B3GALT1: variants seen among roughly 807,000 people sequenced by gnomAD.
The protein encoded by B3GALT1 is beta-1,3-galactosyltransferase 1, also known as UDP-Gal:betaGlcNAc beta 1,3-galactosyltransferase, polypeptide 1.
In B3GALT1, 10 loss-of-function variants were observed where a neutral mutation model predicts 23.2. The ratio of observed to expected loss-of-function variants is 0.43; its 90% CI spans 0.27 to 0.73. The LOEUF (loss-of-function observed/expected upper bound fraction) is 0.73. Among genes scored for constraint, B3GALT1 ranks in the 30% least tolerant of loss-of-function variants. B3GALT1 has a pLI of 0.21. For synonymous variants in B3GALT1, 156 were observed against 141.5 expected (o/e 1.10, Z -0.73); for missense variants, 299 against 405.4 (o/e 0.74, Z 2.25).
chr2:167,843,541 A>G (rs752697273), intron 4 of B3GALT1, among the ~76,000 whole-genome samples: 19 of 152,318 alleles, frequency 1.2e-4, no homozygotes, highest in Non-Finnish European at 2.2e-4. Context: ...TGCTGGAGAC[A>G]CTACCTAGGA....
At chr2:167,656,329 C>T (rs1685955486) in intron 3 of B3GALT1, among the ~76,000 whole-genome samples, 1 of 152,100 alleles carries the variant, frequency 6.6e-6, no homozygotes, top group Non-Finnish European at 1.5e-5. Flanking sequence ...ACAATAGATC[C>T]ATGGAAACTT....
At chr2:167,447,109 G>A (rs778404846) in intron 1 of B3GALT1, among the ~76,000 whole-genome samples, 33 of 152,208 alleles carry the variant, frequency 2.2e-4, no homozygotes, top group Non-Finnish European at 4.3e-4. Flanking sequence ...AGGTCTGTTG[G>A]AGTTTGCTGG....
chr2:167,494,355 G>A (rs754060902), intron 2 of B3GALT1, among the ~76,000 whole-genome samples: 2 of 151,370 alleles, frequency 1.3e-5, no homozygotes, highest in African/African-American at 2.4e-5. Flanking sequence ...AAAGATATCA[G>A]TTATGATATT....
At chr2:167,570,381 A>G (rs970105027) in intron 2 of B3GALT1, among the ~76,000 whole-genome samples, 3 of 151,774 alleles carry the variant, frequency 2.0e-5, no homozygotes, top group Admixed American at 6.6e-5. Flanking sequence ...GTTTCGGCAG[A>G]TTGTGTTTTC....
At chr2:167,464,234 A>G (rs573646979) in intron 1 of B3GALT1, among the ~76,000 whole-genome samples, 4 of 152,248 alleles carry the variant, frequency 2.6e-5, no homozygotes, top group African/African-American at 7.2e-5. Context: ...GGTATGATCA[A>G]TGTCCTCATG....
At chr2:167,428,291 C>A (rs1698653547) in intron 1 of B3GALT1, among the ~76,000 whole-genome samples, 1 of 152,190 alleles carries the variant, frequency 6.6e-6, no homozygotes, top group African/African-American at 2.4e-5. Flanking sequence ...AGCTGTGAAT[C>A]CTCATGGGAG....
intron 2 of B3GALT1, among the ~76,000 whole-genome samples, chr2:167,523,361 A>G (rs954949575): frequency 1.4e-4 from 21 of 151,944 alleles, no homozygotes; most frequent in African/African-American, 4.8e-4. Flanking sequence ...GCTCTTGCCC[A>G]CACATTCCCA....
chr2:167,458,115 AC>A (rs1699199127), intron 1 of B3GALT1, among the ~76,000 whole-genome samples: 1 of 151,820 alleles, frequency 6.6e-6, no homozygotes, highest in Non-Finnish European at 1.5e-5. Context: ...AGACAATAAC[AC>A]CCCATTTCCC....
intron 2 of B3GALT1, among the ~76,000 whole-genome samples, chr2:167,598,768 C>G (rs1318224259): frequency 6.6e-6 from 1 of 152,082 alleles, no homozygotes; most frequent in Non-Finnish European, 1.5e-5. Flanking sequence ...TAATAGGGCT[C>G]TTTGCAACAA....
chr2:167,530,900 G>A (rs762642340), intron 2 of B3GALT1, among the ~76,000 whole-genome samples: 4 of 152,082 alleles, frequency 2.6e-5, no homozygotes, highest in African/African-American at 4.8e-5. Context: ...ATCTGCTTAG[G>A]TAGATTAGCC....
chr2:167,804,532 G>A (rs1180456116), intron 3 of B3GALT1, among the ~76,000 whole-genome samples: 2 of 151,192 alleles, frequency 1.3e-5, no homozygotes, highest in Non-Finnish European at 2.9e-5. Flanking sequence ...CTGTGTCCAT[G>A]TGTTCTCATT....
intron 3 of B3GALT1, among the ~76,000 whole-genome samples, chr2:167,655,360 A>G (rs1467923008): frequency 1.3e-5 from 2 of 152,210 alleles, no homozygotes; most frequent in Non-Finnish European, 2.9e-5. Context: ...TCAAGAGTTC[A>G]GAAGAAAAGT....
At chr2:167,521,755 C>A (rs1470196009) in intron 2 of B3GALT1, among the ~76,000 whole-genome samples, 1 of 151,904 alleles carries the variant, frequency 6.6e-6, no homozygotes, top group Non-Finnish European at 1.5e-5. Context: ...TATTTTAAAA[C>A]TAGGAGCACC....
chr2:167,524,964 T>C (rs759462508), intron 2 of B3GALT1, among the ~76,000 whole-genome samples: 2 of 152,216 alleles, frequency 1.3e-5, no homozygotes, highest in African/African-American at 2.4e-5. Context: ...ATTTAGATTA[T>C]ATGCAGCACA....
At chr2:167,780,028 A>T in intron 3 of B3GALT1, among the ~76,000 whole-genome samples, 1 of 152,302 alleles carries the variant, frequency 6.6e-6, no homozygotes, top group African/African-American at 2.4e-5. Context: ...GCCAAGGTCT[A>T]TTTTACTGCC....
intron 3 of B3GALT1, among the ~76,000 whole-genome samples, chr2:167,790,842 T>C (rs902626645): frequency 6.6e-6 from 1 of 152,230 alleles, no homozygotes; most frequent in African/African-American, 2.4e-5. Context: ...TTTTAATGGC[T>C]GTTCCCTAAG....
At chr2:167,832,007 A>G (rs772573166) in intron 4 of B3GALT1, among the ~76,000 whole-genome samples, 9 of 152,212 alleles carry the variant, frequency 5.9e-5, no homozygotes, top group Non-Finnish European at 1.2e-4. Context: ...GACAGTAGCC[A>G]TATATATTGT....
chr2:167,449,416 G>A (rs1699053612), intron 1 of B3GALT1, among the ~76,000 whole-genome samples: 1 of 152,058 alleles, frequency 6.6e-6, no homozygotes, highest in Non-Finnish European at 1.5e-5. Flanking sequence ...GGTGTATAAT[G>A]GAGCTACTGA....
intron 1 of B3GALT1, among the ~76,000 whole-genome samples, chr2:167,433,708 A>G (rs981138873): frequency 2.6e-5 from 4 of 152,236 alleles, no homozygotes; most frequent in Non-Finnish European, 5.9e-5. Context: ...AAAATGTGAT[A>G]TGGAAAACAA....
Sources: gnomAD v4.1 joint callset for allele counts (sites outside exome capture counted in the v4.1 genomes callset) on GRCh38, gnomAD v4.1.1 for gene constraint, MANE v1.5 for transcripts, NCBI Gene and HGNC (gene_info 2026-07-23, HGNC 2026-07-21) for gene names.